KALRN: variants seen among roughly 807,000 people sequenced by gnomAD.
The protein encoded by KALRN is kalirin.
A neutral mutation model predicts 353.7 loss-of-function variants in KALRN; 70 were observed. The observed-to-expected ratio is 0.20, with a 90% CI of 0.16 to 0.24. The LOEUF (loss-of-function observed/expected upper bound fraction) is 0.24. KALRN is among the 10% of genes least tolerant of loss of function. The probability of loss-of-function intolerance (pLI) is 1.00; values close to 1 mark genes in which losing one functional copy is unlikely to be tolerated. For missense variants in KALRN, 2,791 were observed against 3,756.7 expected (o/e 0.74, Z 6.72); for synonymous variants, 1,391 against 1,434.8 (o/e 0.97, Z 0.69).
chr3:124,701,393 T>G (rs1374839595), intron 56 of KALRN, among the ~76,000 whole-genome samples: 2 of 147,392 alleles, frequency 1.4e-5, no homozygotes, highest in Non-Finnish European at 3.0e-5. Flanking sequence ...TCTTTCTTTT[T>G]TTTTTTTTTT....
At chr3:124,428,969 G>T (rs990189276) in intron 15 of KALRN, among the ~76,000 whole-genome samples, 1 of 152,184 alleles carries the variant, frequency 6.6e-6, no homozygotes, top group Non-Finnish European at 1.5e-5. Context: ...CAAACAAAAT[G>T]CAGTGAATCA....
At chr3:124,651,001 G>C in intron 38 of KALRN, 63 bp downstream of exon 38, 1 of 1,592,438 alleles carries the variant, frequency 6.3e-7, no homozygotes, top group Middle Eastern at 2.1e-4. Context: ...AATGGACAAA[G>C]GTTGGGGAAA....
intron 1 of KALRN, among the ~76,000 whole-genome samples, chr3:124,065,832 G>A (rs1270041122): frequency 1.3e-5 from 2 of 152,188 alleles, no homozygotes; most frequent in Admixed American, 6.5e-5. Flanking sequence ...AGTCCATAAA[G>A]TCTCAACAAC....
chr3:124,149,494 T>C (rs1383587456), intron 1 of KALRN, among the ~76,000 whole-genome samples: 4 of 152,222 alleles, frequency 2.6e-5, no homozygotes, highest in African/African-American at 9.6e-5. Context: ...AGCTTAATTT[T>C]TTTCCAAGTT....
In KALRN at chr3:124,636,323, T is replaced by A. The variant is rs1046360827; in HGVS notation, c.5569-885T>A. 2.0e-5 allele frequency among the ~76,000 whole-genome samples: 3 copies of A among 152,268 alleles called. No homozygotes were observed. In the East Asian group the frequency reaches 5.8e-4, roughly 29 times the overall value. On this transcript the variant is annotated intron_variant, in intron 36 of 59. Coordinates refer to ENST00000682506, the MANE Select transcript of KALRN (RefSeq NM_001388419.1). ...CAGGGTTAACTATTTCTCCCCCAGT[T>A]TCTTCTCAGGTAGAAGAAGGAAGAA...
intron 51 of KALRN, among the ~76,000 whole-genome samples, chr3:124,683,439 C>G (rs2061428299): frequency 6.6e-6 from 1 of 152,190 alleles, no homozygotes; most frequent in Non-Finnish European, 1.5e-5. Context: ...GTACCTGCCC[C>G]CTAGCCCCAG....
intron 31 of KALRN, among the ~76,000 whole-genome samples, chr3:124,491,937 T>G (rs1349378757): frequency 1.3e-5 from 2 of 152,142 alleles, no homozygotes; most frequent in African/African-American, 2.4e-5. Flanking sequence ...ACCATGCTGA[T>G]GGAGAGAAAT....
intron 33 of KALRN, chr3:124,518,546 C>T: frequency 6.2e-7 from 1 of 1,611,360 alleles, no homozygotes; most frequent in Non-Finnish European, 8.5e-7. Flanking sequence ...CAATCACCCA[C>T]CTCTCTTGAG....
intron 21 of KALRN, among the ~76,000 whole-genome samples, chr3:124,453,477 A>T (rs3772763): frequency 6.6e-6 from 1 of 151,732 alleles, no homozygotes; most frequent in Non-Finnish European, 1.5e-5. Context: ...TTGATCTCTC[A>T]TGGGAGGGGC....
At chr3:124,489,482 T>A (rs1427746511) in intron 29 of KALRN, among the ~76,000 whole-genome samples, 1 of 152,192 alleles carries the variant, frequency 6.6e-6, no homozygotes, top group Admixed American at 6.5e-5. Context: ...GTCTCCATAC[T>A]TCCCAGACCA....
intron 1 of KALRN, among the ~76,000 whole-genome samples, chr3:124,198,812 C>T (rs1443630288): frequency 1.3e-5 from 2 of 152,214 alleles, no homozygotes; most frequent in Non-Finnish European, 2.9e-5. Flanking sequence ...CTAGAAGCTC[C>T]TTTGGCTCCT....
At chr3:124,628,789 C>A (rs2080408361) in intron 34 of KALRN, among the ~76,000 whole-genome samples, 1 of 136,612 alleles carries the variant, frequency 7.3e-6, no homozygotes, top group South Asian at 2.3e-4. Flanking sequence ...GGAGTCTTGC[C>A]ATGATGGCCA....
rs575435270 is a variant in KALRN at position 124,082,778 on chromosome 3, G to A, written c.73+48965G>A. ...ACTAACCAGTGTTTCTCTTGAAAGAGTTAGACTGATGCTTGGGTAAATAAA... is the reference window on the plus strand; with the variant it reads ...ACTAACCAGTGTTTCTCTTGAAAGAATTAGACTGATGCTTGGGTAAATAAA... On this transcript the variant is annotated intron_variant, in intron 1 of 59. Transcript: ENST00000682506. Among the ~76,000 whole-genome samples the A allele has an allele frequency of 2.8e-4, 43 of 152,356 alleles. No individual in the cohort carries two copies. In the South Asian group the frequency reaches 8.7e-3, roughly 31 times the overall value.
chr3:124,291,527 AGTGGG>A (rs2076420272), intron 5 of KALRN, among the ~76,000 whole-genome samples: 2 of 152,226 alleles, frequency 1.3e-5, no homozygotes, highest in Non-Finnish European at 2.9e-5. Flanking sequence ...CTTTGCTCGT[AGTGGG>A]ATATTTGGCT....
intron 34 of KALRN, among the ~76,000 whole-genome samples, chr3:124,602,251 C>G (rs956410086): frequency 3.9e-5 from 6 of 152,104 alleles, no homozygotes; most frequent in African/African-American, 1.4e-4. Flanking sequence ...AGAAGTCCCC[C>G]AAATTGACTT....
intron 4 of KALRN, among the ~76,000 whole-genome samples, chr3:124,266,647 A>G (rs1372193074): frequency 2.0e-5 from 3 of 152,232 alleles, no homozygotes; most frequent in Non-Finnish European, 4.4e-5. Context: ...TTCCCATTCC[A>G]GACTTTTGTG....
At chr3:124,084,030 C>G (rs969519455) in intron 1 of KALRN, among the ~76,000 whole-genome samples, 1 of 152,312 alleles carries the variant, frequency 6.6e-6, no homozygotes, top group African/African-American at 2.4e-5. Flanking sequence ...GACCAAATCA[C>G]ATTTTCCACA....
At chr3:124,583,827 T>C (rs1163939166) in intron 34 of KALRN, among the ~76,000 whole-genome samples, 3 of 152,150 alleles carry the variant, frequency 2.0e-5, no homozygotes, top group Non-Finnish European at 2.9e-5. Context: ...TCCTACCTAC[T>C]AAATCAGCAA....
intron 6 of KALRN, among the ~76,000 whole-genome samples, chr3:124,314,764 C>A (rs1288535983): frequency 6.6e-6 from 1 of 152,198 alleles, no homozygotes; most frequent in Non-Finnish European, 1.5e-5. Context: ...TCAAGCAGTC[C>A]TCCTGCCTCA....
Sources: allele counts gnomAD v4.1 joint callset (sites outside exome capture counted in the v4.1 genomes callset), GRCh38; gene constraint gnomAD v4.1.1; transcripts MANE v1.5; gene names NCBI Gene and HGNC (gene_info 2026-07-23, HGNC 2026-07-21).